Variants in ZNF385D observed in about 807,000 individuals in gnomAD.
The protein encoded by ZNF385D is zinc finger protein 659.
Under a neutral mutation model 35.8 loss-of-function variants are expected in ZNF385D, and 15 were observed. That is an observed-to-expected ratio of 0.42 (90% CI 0.28 to 0.64). The LOEUF (loss-of-function observed/expected upper bound fraction) is 0.64. Among genes scored for constraint, ZNF385D ranks in the 30% least tolerant of loss-of-function variants. ZNF385D has a pLI of 0.23. For synonymous variants in ZNF385D, 212 were observed against 186.8 expected, an observed-to-expected ratio of 1.13 and a Z score of -1.10; for missense variants, 474 against 494.6, an observed-to-expected ratio of 0.96 and a Z score of 0.39.
chr3:21,775,039 T>C (rs1344224549), intron 3 of ZNF385D, among the ~76,000 whole-genome samples: 1 of 151,830 alleles, frequency 6.6e-6, no homozygotes, highest in Non-Finnish European at 1.5e-5. Flanking sequence ...ATGGTATAAG[T>C]ACAAATGACA....
chr3:22,008,360 C>CATCTTTTTTTTTTT (rs773952386), intron 3 of ZNF385D, among the ~76,000 whole-genome samples: 1 of 131,938 alleles, frequency 7.6e-6, no homozygotes, highest in Non-Finnish European at 1.6e-5. Context: ...CCATGATTTT[C>CATCTTTTTTTTTTT]TTTTTTTTTT....
At chr3:22,175,337 A>T (rs936173862) in intron 2 of ZNF385D, among the ~76,000 whole-genome samples, 14 of 152,054 alleles carry the variant, frequency 9.2e-5, no homozygotes, top group Non-Finnish European at 1.8e-4. Context: ...AAAAGAGAAA[A>T]ATACTGTACT....
chr3:22,279,341 G>C (rs758412261), intron 2 of ZNF385D, among the ~76,000 whole-genome samples: 3 of 151,654 alleles, frequency 2.0e-5, no homozygotes, highest in Non-Finnish European at 4.4e-5. Context: ...TTCTACTTAT[G>C]AGTAAGAACA....
intron 4 of ZNF385D, among the ~76,000 whole-genome samples, chr3:21,506,237 G>A (rs546471245): frequency 6.9e-6 from 1 of 145,950 alleles, no homozygotes; most frequent in East Asian, 2.0e-4. Context: ...AAAGCTCTAA[G>A]AGCCTTTTCC....
chr3:22,370,366 C>T (rs183593691), intron 2 of ZNF385D, among the ~76,000 whole-genome samples: 121 of 152,262 alleles, frequency 7.9e-4, no homozygotes, highest in African/African-American at 2.6e-3. Flanking sequence ...ACTCAAAGAA[C>T]GTCATTCAAG....
At chr3:22,320,378 AG>A (rs1358963426) in intron 2 of ZNF385D, among the ~76,000 whole-genome samples, 1 of 152,054 alleles carries the variant, frequency 6.6e-6, no homozygotes, top group Non-Finnish European at 1.5e-5. Flanking sequence ...TCTTACATAA[AG>A]GATCATTTCC....
At chr3:22,218,174 GATCA>G (rs1698013073) in intron 2 of ZNF385D, among the ~76,000 whole-genome samples, 1 of 151,886 alleles carries the variant, frequency 6.6e-6, no homozygotes, top group Non-Finnish European at 1.5e-5. Context: ...CAAATCTTTA[GATCA>G]ATTTGGAAAA....
rs540543965 is a variant in ZNF385D, at chr3:21,912,214, C to G, written c.326-247186G>C. Among the ~76,000 whole-genome samples, 123 of 151,914 alleles carry G rather than the reference C, an allele frequency of 8.1e-4. 1 individual carries two copies. The highest frequency in any genetic ancestry group is 2.9e-3 in the African/African-American group (118 of 41,396). On this transcript the variant is annotated intron_variant, in intron 3 of 5. Transcript: ENST00000494108. Reference sequence around the variant, plus strand: ...CAAGACTTGTCTTAAAATTATTCAGCCCAGACCCTAAACTCGTTAAAATGG... The same window carrying G: ...CAAGACTTGTCTTAAAATTATTCAGGCCAGACCCTAAACTCGTTAAAATGG...
chr3:22,081,104 T>G (rs183774788), intron 3 of ZNF385D, among the ~76,000 whole-genome samples: 6 of 152,328 alleles, frequency 3.9e-5, no homozygotes, highest in Admixed American at 3.3e-4. Flanking sequence ...CAACCATATC[T>G]TACACCTCTT....
chr3:21,673,563 G>C (rs2066638715), intron 1 of ZNF385D, among the ~76,000 whole-genome samples: 1 of 152,132 alleles, frequency 6.6e-6, no homozygotes, highest in Admixed American at 6.6e-5. Context: ...GTCACTGTCA[G>C]AAGCCAGACA....
intron 2 of ZNF385D, among the ~76,000 whole-genome samples, chr3:21,648,666 A>G (rs1038682439): frequency 6.6e-6 from 1 of 152,174 alleles, no homozygotes; most frequent in African/African-American, 2.4e-5. Flanking sequence ...TGCTTGAAAT[A>G]TCCCATAATA....
intron 4 of ZNF385D, among the ~76,000 whole-genome samples, chr3:21,455,286 T>G (rs1396545112): frequency 1.3e-5 from 2 of 152,212 alleles, no homozygotes; most frequent in Non-Finnish European, 2.9e-5. Context: ...AAGTCAATCC[T>G]AAGCCAAAAG....
At chr3:21,435,660 C>A (rs193029253) in intron 5 of ZNF385D, among the ~76,000 whole-genome samples, 1 of 152,240 alleles carries the variant, frequency 6.6e-6, no homozygotes, top group Non-Finnish European at 1.5e-5. Flanking sequence ...AGTCACTATG[C>A]GGAATGACCA....
chr3:22,367,801 A>G (rs1433981090), intron 2 of ZNF385D, among the ~76,000 whole-genome samples: 1 of 152,220 alleles, frequency 6.6e-6, no homozygotes, highest in Non-Finnish European at 1.5e-5. Context: ...CAGTAATAAA[A>G]TCAGAACATA....
chr3:21,806,183 CCTTT>C (rs956589784), intron 3 of ZNF385D, among the ~76,000 whole-genome samples: 18 of 151,422 alleles, frequency 1.2e-4, no homozygotes, highest in Non-Finnish European at 1.8e-4. Context: ...TTCCTTCTTT[CCTTT>C]CTTTTTTTTT....
At chr3:21,916,644 G>T (rs1700205360) in intron 3 of ZNF385D, among the ~76,000 whole-genome samples, 1 of 152,116 alleles carries the variant, frequency 6.6e-6, no homozygotes. Flanking sequence ...ACACTGTACT[G>T]TCAGTCTGTT....
chr3:22,365,985 T>C (rs1423402926), intron 2 of ZNF385D, among the ~76,000 whole-genome samples: 1 of 152,062 alleles, frequency 6.6e-6, no homozygotes, highest in African/African-American at 2.4e-5. Context: ...ATTCAGGATT[T>C]TTATTTGTGA....
At chr3:22,021,625 C>G (rs1697229303) in intron 3 of ZNF385D, among the ~76,000 whole-genome samples, 1 of 152,016 alleles carries the variant, frequency 6.6e-6, no homozygotes, top group South Asian at 2.1e-4. Context: ...CATGCCAAGT[C>G]TATAACAAAT....
chr3:21,856,103 C>T (rs979484054), intron 3 of ZNF385D, among the ~76,000 whole-genome samples: 1 of 151,628 alleles, frequency 6.6e-6, no homozygotes, highest in African/African-American at 2.4e-5. Context: ...ACAGAATGCT[C>T]ATTATCTGAG....
Sources: allele counts gnomAD v4.1 joint callset (sites outside exome capture counted in the v4.1 genomes callset), GRCh38; gene constraint gnomAD v4.1.1; transcripts MANE v1.5; gene names NCBI Gene and HGNC (gene_info 2026-07-23, HGNC 2026-07-21).